NBEA: variants seen among roughly 807,000 people sequenced by gnomAD.
The protein encoded by NBEA is lysosomal-trafficking regulator 2.
Under a neutral mutation model 343.4 loss-of-function variants are expected in NBEA, and 44 were observed. The observed-to-expected ratio is 0.13, with a 90% CI of 0.10 to 0.16. NBEA has a LOEUF of 0.16. NBEA is among the 10% of genes least tolerant of loss of function. NBEA has a pLI of 1.00. For missense variants in NBEA, 2,555 were observed against 3,631.3 expected, an observed-to-expected ratio of 0.70 and a Z score of 7.62; for synonymous variants, 1,175 against 1,238.7, an observed-to-expected ratio of 0.95 and a Z score of 1.08.
At chr13:35,058,642 T>G (rs1339454268) in intron 7 of NBEA, 75 bp from the exon 8 acceptor site, 1 of 1,141,550 alleles carries the variant, frequency 8.8e-7, no homozygotes, top group African/African-American at 1.6e-5. Context: ...TTCATGATAA[T>G]GAAGGCCGAT....
chr13:35,483,193 T>A (rs2076184010), intron 41 of NBEA, among the ~76,000 whole-genome samples: 1 of 151,974 alleles, frequency 6.6e-6, no homozygotes, highest in African/African-American at 2.4e-5. Flanking sequence ...AAGAAACTCC[T>A]AATATTTAGT....
chr13:35,286,139 A>C (rs1432888330), intron 34 of NBEA, among the ~76,000 whole-genome samples: 1 of 152,100 alleles, frequency 6.6e-6, no homozygotes, highest in Non-Finnish European at 1.5e-5. Flanking sequence ...ATTCTCTATC[A>C]TGATTATTTG....
chr13:35,516,610 G>A (rs1340041375), intron 41 of NBEA, among the ~76,000 whole-genome samples: 1 of 151,986 alleles, frequency 6.6e-6, no homozygotes, highest in Admixed American at 6.6e-5. Context: ...TCCATTTGCT[G>A]TTTGATTTTT....
chr13:35,065,477 C>T (rs562585598), intron 8 of NBEA, among the ~76,000 whole-genome samples: 1 of 151,954 alleles, frequency 6.6e-6, no homozygotes, highest in South Asian at 2.1e-4. Flanking sequence ...TGTCCACTTT[C>T]ATATGTAGTT....
chr13:35,129,480 T>A (rs2067299304), intron 17 of NBEA, among the ~76,000 whole-genome samples: 1 of 151,946 alleles, frequency 6.6e-6, no homozygotes, highest in Admixed American at 6.6e-5. Context: ...GTAAAGGTAG[T>A]AATTACAATG....
At chr13:35,307,943 AT>A (rs1323469543) in intron 35 of NBEA, among the ~76,000 whole-genome samples, 1 of 152,040 alleles carries the variant, frequency 6.6e-6, no homozygotes, top group Non-Finnish European at 1.5e-5. Context: ...CAGTCTTGTC[AT>A]TTGGATAAAT....
chr13:34,987,882 T>G (rs567529208), intron 1 of NBEA, among the ~76,000 whole-genome samples: 1 of 151,200 alleles, frequency 6.6e-6, no homozygotes, highest in Admixed American at 6.6e-5. Context: ...TTTATTCTAG[T>G]TAGCCATTCA....
At chr13:35,114,774 AATT>A (rs1365695063) in intron 13 of NBEA, among the ~76,000 whole-genome samples, 4 of 152,212 alleles carry the variant, frequency 2.6e-5, no homozygotes, top group Non-Finnish European at 5.9e-5. Context: ...TTATCATTTA[AATT>A]ATTATTTTAC....
intron 34 of NBEA, among the ~76,000 whole-genome samples, chr13:35,269,748 T>C (rs901578335): frequency 2.0e-5 from 3 of 152,158 alleles, no homozygotes; most frequent in Non-Finnish European, 4.4e-5. Context: ...GGGAAAGCTA[T>C]GTTTGTTTGG....
At chr13:35,331,000 T>A (rs996371466) in intron 36 of NBEA, among the ~76,000 whole-genome samples, 1 of 152,034 alleles carries the variant, frequency 6.6e-6, no homozygotes, top group African/African-American at 2.4e-5. Flanking sequence ...ATAGCTAATA[T>A]GGCAGACTAC....
At chr13:35,658,089 C>T (rs1402404011) in intron 55 of NBEA, among the ~76,000 whole-genome samples, 5 of 151,978 alleles carry the variant, frequency 3.3e-5, no homozygotes, top group Admixed American at 6.6e-5. Flanking sequence ...TTTAAAGCTC[C>T]TTACAACAGG....
At chr13:35,453,967 G>A (rs951006819) in intron 40 of NBEA, among the ~76,000 whole-genome samples, 5 of 152,120 alleles carry the variant, frequency 3.3e-5, no homozygotes, top group Non-Finnish European at 5.9e-5. Flanking sequence ...CCAATTCACT[G>A]AATCAAGACT....
intron 40 of NBEA, among the ~76,000 whole-genome samples, chr13:35,470,919 TC>T (rs1339570214): frequency 6.6e-6 from 1 of 152,226 alleles, no homozygotes; most frequent in East Asian, 1.9e-4. Context: ...GTGCTTCAGA[TC>T]GACTGCCTCT....
chr13:35,478,787 C>A (rs6562982), intron 41 of NBEA, among the ~76,000 whole-genome samples: 81,690 of 152,098 alleles, frequency 0.54, 23,508 homozygotes, highest in Admixed American at 0.65. Context: ...GAGATGCTTG[C>A]CCCAAGACCT....
In NBEA at chr13:35,110,991, C is replaced by T. The variant is rs2066173616; in HGVS notation, c.2002+13C>T. 6.3e-7 allele frequency: 1 copy of T among 1,582,944 alleles called. No individual in the cohort carries two copies. On this transcript the variant is annotated intron_variant, in intron 13 of 58. Coordinates refer to ENST00000379939, the MANE Select transcript of NBEA (RefSeq NM_001385012.1). ...CCTAAAGGATTAGGTATGTATACCA[C>T]TTCCACTGTATTTACATTTGCCTAT...
Position 35,055,915 on chromosome 13 carries a change from G to C in NBEA, c.973-95G>C, listed in dbSNP as rs1392984234. On this transcript the variant is annotated intron_variant, in intron 6 of 58. Coordinates refer to ENST00000379939, the MANE Select transcript of NBEA (RefSeq NM_001385012.1). ...TAGATGATCCTTAATAGTCCTGTCA[G>C]CATATTCTTGTAGGGTTTTATGAAT... 10 of 978,400 alleles carry C rather than the reference G, an allele frequency of 1.0e-5. No homozygotes were observed. The African/African-American group carries it at 1.5e-4, about 15-fold the overall frequency. 60.6% of individuals were successfully genotyped at this position (978,400 alleles called of 1,614,324 possible).
At chr13:35,281,080 A>G (rs1002513017) in intron 34 of NBEA, among the ~76,000 whole-genome samples, 2 of 152,108 alleles carry the variant, frequency 1.3e-5, no homozygotes, top group African/African-American at 4.8e-5. Context: ...TGATTTGGAT[A>G]TAGGATTTTC....
At chr13:35,412,691 G>A (rs1594537003) in intron 38 of NBEA, among the ~76,000 whole-genome samples, 1 of 152,044 alleles carries the variant, frequency 6.6e-6, no homozygotes, top group Non-Finnish European at 1.5e-5. Flanking sequence ...TGTTTATCCA[G>A]AGTATTTAGT....
intron 51 of NBEA, among the ~76,000 whole-genome samples, chr13:35,647,130 T>TA (rs535105578): frequency 6.6e-6 from 1 of 152,214 alleles, no homozygotes; most frequent in South Asian, 2.1e-4. Context: ...TCCATTTCCA[T>TA]AAAAAAGTTT....
Sources: allele counts gnomAD v4.1 joint callset (sites outside exome capture counted in the v4.1 genomes callset), GRCh38; gene constraint gnomAD v4.1.1; transcripts MANE v1.5; gene names NCBI Gene and HGNC (gene_info 2026-07-23, HGNC 2026-07-21).